Variants in DLGAP2 observed in about 807,000 individuals in gnomAD.
DLGAP2 encodes the protein DLG associated protein 2.
In DLGAP2, 26 loss-of-function variants were observed where a neutral mutation model predicts 100.3. The ratio of observed to expected loss-of-function variants is 0.26; its 90% CI spans 0.19 to 0.36. DLGAP2 has a LOEUF of 0.36. Ranked by LOEUF, DLGAP2 falls within the 10% of genes least tolerant of loss-of-function variation. The pLI, the probability that DLGAP2 is intolerant of heterozygous loss-of-function variation, is 1.00. For synonymous variants in DLGAP2, 886 were observed against 630.1 expected, an observed-to-expected ratio of 1.41 and a Z score of -6.08; for missense variants, 1,858 against 1,453.2, an observed-to-expected ratio of 1.28 and a Z score of -4.53.
intron 3 of DLGAP2, among the ~76,000 whole-genome samples, chr8:1,288,797 G>T (rs1799995964): frequency 6.6e-6 from 1 of 151,444 alleles, no homozygotes. Flanking sequence ...TGGTTGTTAG[G>T]AGGGGAACTA....
intron 2 of DLGAP2, among the ~76,000 whole-genome samples, chr8:1,086,852 A>G (rs1803988942): frequency 6.6e-6 from 1 of 152,230 alleles, no homozygotes; most frequent in Non-Finnish European, 1.5e-5. Flanking sequence ...GAAAGATCAT[A>G]CAGACAGAAA....
chr8:1,466,477 C>A (rs561560183), intron 3 of DLGAP2, among the ~76,000 whole-genome samples: 1 of 151,966 alleles, frequency 6.6e-6, no homozygotes, highest in Non-Finnish European at 1.5e-5. Context: ...TTTTTCTTGG[C>A]ACAGGGTATC....
At chr8:1,646,801 G>A (rs1798049668) in intron 8 of DLGAP2, among the ~76,000 whole-genome samples, 1 of 151,088 alleles carries the variant, frequency 6.6e-6, no homozygotes, top group East Asian at 2.0e-4. Context: ...GAGTGAAGGG[G>A]GCCAGAGGGC....
rs191348736 is a variant in DLGAP2 at position 1,433,435 on chromosome 8, T to C, written c.107-67931T>C. 2.0e-5 allele frequency among the ~76,000 whole-genome samples: 3 copies of C among 152,242 alleles called. No individual in the cohort carries two copies. The East Asian group carries it at 5.8e-4, about 29-fold the overall frequency. On this transcript the variant is annotated intron_variant, in intron 3 of 14. Transcript: ENST00000637795. ...AGGCCCAAGCACCCGAACCACGTGG[T>C]TTAGAAAGGTCTTTTTGCAAAGGTG...
intron 3 of DLGAP2, among the ~76,000 whole-genome samples, chr8:1,266,545 C>T (rs902422308): frequency 3.9e-5 from 6 of 152,220 alleles, no homozygotes; most frequent in Non-Finnish European, 5.9e-5. Context: ...GTCAGTTCCT[C>T]CTCTGTTGGA....
intron 3 of DLGAP2, among the ~76,000 whole-genome samples, chr8:1,433,800 AT>A (rs1352258036): frequency 7.1e-6 from 1 of 140,042 alleles, no homozygotes; most frequent in African/African-American, 2.7e-5. Context: ...AGCAGGTCAT[AT>A]TTGTAGGAAT....
At chr8:1,186,521 G>A (rs1015154933) in intron 2 of DLGAP2, among the ~76,000 whole-genome samples, 2 of 152,150 alleles carry the variant, frequency 1.3e-5, no homozygotes, top group African/African-American at 2.4e-5. Context: ...ACTTCCAGGC[G>A]CCTTATCCTC....
chr8:1,031,176 A>G (rs1187175103), intron 2 of DLGAP2, among the ~76,000 whole-genome samples: 2 of 151,962 alleles, frequency 1.3e-5, no homozygotes, highest in Non-Finnish European at 2.9e-5. Context: ...CCTGTGCCTC[A>G]CCCAATACGT....
intron 5 of DLGAP2, among the ~76,000 whole-genome samples, chr8:1,551,492 C>A (rs578017818): frequency 6.6e-6 from 1 of 152,274 alleles, no homozygotes; most frequent in African/African-American, 2.4e-5. Context: ...GTCCTGTGCC[C>A]CTTGGACCTG....
chr8:1,212,098 A>G (rs1305931940), intron 2 of DLGAP2, among the ~76,000 whole-genome samples: 1 of 152,206 alleles, frequency 6.6e-6, no homozygotes, highest in Non-Finnish European at 1.5e-5. Flanking sequence ...AAACCTGGGG[A>G]TGTGCAGTGA....
rs147171961 is a variant in DLGAP2, at chr8:911,537, A to G, written c.73+3571A>G. 2.9e-3 allele frequency among the ~76,000 whole-genome samples: 440 copies of G among 150,542 alleles called. 3 individuals are homozygous for G. The highest frequency in any genetic ancestry group is 0.01 in the African/African-American group (421 of 40,824). On this transcript the variant is annotated intron_variant, in intron 2 of 14. Coordinates refer to ENST00000637795, the MANE Select transcript of DLGAP2 (RefSeq NM_001346810.2). Reference sequence around the variant, plus strand: ...TATATGTTGGAAAGACGTGTATAACATGTTGGAAGGATGCATGTATAACAT... The same window carrying G: ...TATATGTTGGAAAGACGTGTATAACGTGTTGGAAGGATGCATGTATAACAT...
At chr8:1,449,203 C>T (rs1259429063) in intron 3 of DLGAP2, among the ~76,000 whole-genome samples, 2 of 152,224 alleles carry the variant, frequency 1.3e-5, no homozygotes, top group Non-Finnish European at 2.9e-5. Flanking sequence ...GTTCTCAGCC[C>T]AGCTGAGCCT....
intron 1 of DLGAP2, among the ~76,000 whole-genome samples, chr8:820,981 T>A (rs987190941): frequency 2.0e-5 from 3 of 152,186 alleles, no homozygotes; most frequent in African/African-American, 7.2e-5. Flanking sequence ...GAACAGTAAG[T>A]GCCTGGAAAT....
intron 3 of DLGAP2, among the ~76,000 whole-genome samples, chr8:1,323,235 G>T (rs889897315): frequency 6.6e-6 from 1 of 151,994 alleles, no homozygotes; most frequent in African/African-American, 2.4e-5. Context: ...TCATTGTGTT[G>T]CCCAGGCTGG....
At chr8:1,475,549 C>T (rs1381544399) in intron 3 of DLGAP2, among the ~76,000 whole-genome samples, 5 of 152,156 alleles carry the variant, frequency 3.3e-5, no homozygotes, top group East Asian at 3.9e-4. Flanking sequence ...GATCAATGAG[C>T]GGCTGGGAGT....
At chr8:1,350,499 T>A (rs1242112970) in intron 3 of DLGAP2, among the ~76,000 whole-genome samples, 2 of 43,052 alleles carry the variant, frequency 4.6e-5, no homozygotes, top group South Asian at 1.4e-3. Flanking sequence ...GGGTCCTGAC[T>A]GTGCGTGGAA....
At chr8:1,457,240 T>C (rs1330355686) in intron 3 of DLGAP2, among the ~76,000 whole-genome samples, 2 of 152,186 alleles carry the variant, frequency 1.3e-5, no homozygotes, top group East Asian at 3.9e-4. Context: ...AAGATCTAAC[T>C]CCAAGGGGTT....
intron 3 of DLGAP2, among the ~76,000 whole-genome samples, chr8:1,383,535 C>T (rs550224628): frequency 2.8e-4 from 42 of 152,252 alleles, no homozygotes; most frequent in African/African-American, 7.9e-4. Flanking sequence ...ACACAGTTGG[C>T]GACGTTACCG....
At chr8:944,910 G>A (rs1298103627) in intron 2 of DLGAP2, among the ~76,000 whole-genome samples, 2 of 151,544 alleles carry the variant, frequency 1.3e-5, no homozygotes, top group Non-Finnish European at 2.9e-5. Context: ...CAGGTGATCT[G>A]GTGGGTGATA....
Sources: gnomAD v4.1 joint callset for allele counts (sites outside exome capture counted in the v4.1 genomes callset) on GRCh38, gnomAD v4.1.1 for gene constraint, MANE v1.5 for transcripts, NCBI Gene and HGNC (gene_info 2026-07-23, HGNC 2026-07-21) for gene names.